The following RAMP1 variants were observed in gnomAD, a reference collection of about 807,000 sequenced individuals.
The protein encoded by RAMP1 is receptor activity modifying protein 1.
In RAMP1, 7 loss-of-function variants were observed where a neutral mutation model predicts 8.2. That is an observed-to-expected ratio of 0.85 (90% CI 0.49 to 1.60). The LOEUF is 1.60. Among genes scored for constraint, RAMP1 ranks in the 40% most tolerant of loss-of-function variants. The pLI, the probability that RAMP1 is intolerant of heterozygous loss-of-function variation, is 0.00. For missense variants in RAMP1, 192 were observed against 202.4 expected, an observed-to-expected ratio of 0.95 and a Z score of 0.31; for synonymous variants, 92 against 84.7, an observed-to-expected ratio of 1.09 and a Z score of -0.47.
chr2:237,891,565 C>T (rs1369754129), intron 2 of RAMP1, among the ~76,000 whole-genome samples: 1 of 152,086 alleles, frequency 6.6e-6, no homozygotes, highest in East Asian at 1.9e-4. Context: ...TGTTCTTAAT[C>T]TCTTTTTTTG....
intron 2 of RAMP1, among the ~76,000 whole-genome samples, chr2:237,905,411 G>C (rs1010594707): frequency 1.3e-5 from 2 of 152,240 alleles, no homozygotes; most frequent in Non-Finnish European, 2.9e-5. Context: ...CTGCAATCCA[G>C]AAGGCTGACA....
intron 2 of RAMP1, among the ~76,000 whole-genome samples, chr2:237,909,519 G>A (rs944152854): frequency 4.6e-5 from 7 of 152,104 alleles, no homozygotes; most frequent in African/African-American, 1.4e-4. Context: ...CTTTCTTCCT[G>A]AGTCTCAGGG....
At chr2:237,869,080 C>T (rs1164389702) in intron 1 of RAMP1, among the ~76,000 whole-genome samples, 1 of 152,140 alleles carries the variant, frequency 6.6e-6, no homozygotes, top group Non-Finnish European at 1.5e-5. Flanking sequence ...TCCCTATTTT[C>T]ATCTTCTCCA....
chr2:237,891,307 C>T (rs1223500193), intron 2 of RAMP1, among the ~76,000 whole-genome samples: 4 of 152,100 alleles, frequency 2.6e-5, no homozygotes, highest in Non-Finnish European at 4.4e-5. Flanking sequence ...CCCGCCACCA[C>T]GCCCGGCTGA....
chr2:237,886,386 C>T (rs2062433378), intron 2 of RAMP1, among the ~76,000 whole-genome samples: 5 of 152,168 alleles, frequency 3.3e-5, no homozygotes, highest in African/African-American at 4.8e-5. Context: ...TTAACGTGCG[C>T]GCCATGGTGG....
At chr2:237,909,164 G>A (rs1057150862) in intron 2 of RAMP1, among the ~76,000 whole-genome samples, 1 of 152,150 alleles carries the variant, frequency 6.6e-6, no homozygotes, top group Non-Finnish European at 1.5e-5. Context: ...ACCCAGACAA[G>A]GAAGTGTCCA....
intron 2 of RAMP1, among the ~76,000 whole-genome samples, chr2:237,904,512 G>T (rs1475139420): frequency 6.6e-6 from 1 of 152,216 alleles, no homozygotes; most frequent in Admixed American, 6.5e-5. Context: ...GGAGGGTGAG[G>T]CAAGAGGATC....
At chr2:237,905,369 C>T (rs901025726) in intron 2 of RAMP1, among the ~76,000 whole-genome samples, 22 of 152,172 alleles carry the variant, frequency 1.4e-4, no homozygotes, top group African/African-American at 5.1e-4. Flanking sequence ...CAGCCGACTG[C>T]ACATTAGAGA....
chr2:237,861,425 C>T (rs1367055398), intron 1 of RAMP1, among the ~76,000 whole-genome samples: 2 of 152,120 alleles, frequency 1.3e-5, no homozygotes, highest in Non-Finnish European at 2.9e-5. Context: ...GCCAGGTCTC[C>T]TTGGTGATGA....
chr2:237,868,942 T>C (rs1275740752), intron 1 of RAMP1, among the ~76,000 whole-genome samples: 3 of 152,208 alleles, frequency 2.0e-5, no homozygotes, highest in Non-Finnish European at 4.4e-5. Flanking sequence ...TAGTGTGCAT[T>C]GCGGGTTCTT....
chr2:237,885,784 T>C (rs916066038), intron 2 of RAMP1, among the ~76,000 whole-genome samples: 2 of 152,182 alleles, frequency 1.3e-5, no homozygotes, highest in Admixed American at 1.3e-4. Context: ...CCTGGCTAGA[T>C]GTCTGTTCCC....
At chr2:237,863,752 C>T (rs10200972) in intron 1 of RAMP1, among the ~76,000 whole-genome samples, 7,423 of 151,600 alleles carry the variant, frequency 0.049, 585 homozygotes, top group African/African-American at 0.17. Context: ...TCACAGGCCC[C>T]CCGACTCTAC....
chr2:237,859,929 A>G (rs2062116181), intron 1 of RAMP1: 1 of 485,162 alleles, frequency 2.1e-6, no homozygotes, highest in South Asian at 3.5e-5. Context: ...GAGGGCGCGG[A>G]CCGGTGTTGC....
intron 1 of RAMP1, 60 bp downstream of exon 1, chr2:237,859,787 GGGGAGAGGAGGGGAGCGGGT>G: frequency 7.1e-7 from 1 of 1,402,502 alleles, no homozygotes; most frequent in African/African-American, 1.5e-5. Flanking sequence ...GTGTCCTCTA[GGGGAGAGGAGGGGAGCGGGT>G]GGGAGCGGGT....
At chr2:237,910,788 C>T (rs1310367387) in intron 2 of RAMP1, among the ~76,000 whole-genome samples, 1 of 151,358 alleles carries the variant, frequency 6.6e-6, no homozygotes. Context: ...AAATAACAGT[C>T]ACACAATGTC....
At chr2:237,888,024 C>T (rs1307772517) in intron 2 of RAMP1, among the ~76,000 whole-genome samples, 1 of 151,930 alleles carries the variant, frequency 6.6e-6, no homozygotes, top group African/African-American at 2.4e-5. Flanking sequence ...AGTAGGCTTA[C>T]TGTAGCATGT....
intron 2 of RAMP1, among the ~76,000 whole-genome samples, chr2:237,909,127 C>T (rs1043204359): frequency 2.6e-5 from 4 of 152,134 alleles, no homozygotes; most frequent in East Asian, 3.9e-4. Flanking sequence ...CCCACTGTGG[C>T]CTCAACCCCC....
intron 2 of RAMP1, among the ~76,000 whole-genome samples, chr2:237,902,459 C>T (rs2062610661): frequency 1.3e-5 from 2 of 151,468 alleles, no homozygotes; most frequent in South Asian, 4.2e-4. Flanking sequence ...ACGCAGAGGT[C>T]TCCGCAGAGG....
At chr2:237,900,446 C>T (rs2062586097) in intron 2 of RAMP1, among the ~76,000 whole-genome samples, 1 of 115,900 alleles carries the variant, frequency 8.6e-6, no homozygotes, top group South Asian at 2.9e-4. Context: ...CAGGCGTGAG[C>T]CACCGCACCT....
Sources: gnomAD v4.1 joint callset for allele counts (sites outside exome capture counted in the v4.1 genomes callset) on GRCh38, gnomAD v4.1.1 for gene constraint, MANE v1.5 for transcripts, NCBI Gene and HGNC (gene_info 2026-07-23, HGNC 2026-07-21) for gene names.